Variants in SLC36A1 observed in about 807,000 individuals in gnomAD.
The protein encoded by SLC36A1 is solute carrier family 36 member 1.
In SLC36A1, 30 loss-of-function variants were observed where a neutral mutation model predicts 47.5. The observed-to-expected ratio is 0.63, with a 90% confidence interval of 0.47 to 0.86. The LOEUF (loss-of-function observed/expected upper bound fraction) is 0.86, where lower values mean the gene tolerates loss of function less well. SLC36A1 is among the 40% of genes least tolerant of loss of function. SLC36A1 has a pLI of 0.00. For missense variants in SLC36A1, 517 were observed against 606.0 expected (o/e 0.85, Z 1.54); for synonymous variants, 255 against 249.7 (o/e 1.02, Z -0.20).
chr5:151,357,631 G>A, the SLC36A1 span, among the ~76,000 whole-genome samples: 96 of 152,314 alleles, frequency 6.3e-4, no homozygotes, highest in East Asian at 0.011. Context: ...ATTCATTTAC[G>A]TATTGTTTAA....
chr5:151,543,395 CA>C, the SLC36A1 span: 1 of 1,613,854 alleles, frequency 6.2e-7, no homozygotes, highest in Non-Finnish European at 8.5e-7. Flanking sequence ...TTGTCATTTT[CA>C]TCTGTGAGGA....
chr5:151,545,780 T>G, the SLC36A1 span: 3 of 1,614,066 alleles, frequency 1.9e-6, no homozygotes, highest in African/African-American at 1.3e-5. Context: ...ACAAAGGGGT[T>G]GTTGTTTTTA....
the SLC36A1 span, among the ~76,000 whole-genome samples, chr5:151,347,771 C>T: frequency 1.3e-5 from 2 of 152,158 alleles, no homozygotes; most frequent in African/African-American, 4.8e-5. Flanking sequence ...ATTTTAATAA[C>T]AAATATCTAT....
Position 151,473,654 on chromosome 5 carries a change from T to G in SLC36A1, c.724-19T>G, listed in dbSNP as rs2127516689. The G allele has an allele frequency of 7.6e-7, 1 of 1,309,514 alleles. No homozygotes were observed. Among genetic ancestry groups the G allele is most frequent in the Non-Finnish European group, 1.1e-6 (1 of 936,528 alleles). 81.1% of individuals were successfully genotyped at this position (1,309,514 alleles called of 1,614,324 possible). A position where few individuals can be genotyped will look rare whatever the true frequency, so the allele number is the denominator to read the frequency against. On this transcript the variant is annotated intron_variant, in intron 7 of 10. Transcript: ENST00000243389. ...AGCCTTTTGCTTTGTTTTGCTTTGT[T>G]TTGCTTTCTGTCTTTCAGAGGATCC... is the stretch of plus-strand genomic sequence containing the variant.
the SLC36A1 span, among the ~76,000 whole-genome samples, chr5:151,420,652 C>T: frequency 6.6e-6 from 1 of 152,014 alleles, no homozygotes; most frequent in African/African-American, 2.4e-5. Context: ...GTAATAGTAC[C>T]TATTATAAAA....
the SLC36A1 span, among the ~76,000 whole-genome samples, chr5:151,499,670 C>T: frequency 1.3e-5 from 2 of 152,166 alleles, no homozygotes; most frequent in Non-Finnish European, 2.9e-5. Context: ...CAGAGCACTG[C>T]CCTGATGCCT....
the SLC36A1 span, among the ~76,000 whole-genome samples, chr5:151,381,602 T>G: frequency 6.6e-6 from 1 of 152,220 alleles, no homozygotes; most frequent in Non-Finnish European, 1.5e-5. Context: ...CTCCATAAAC[T>G]GGTCCTAAGA....
the SLC36A1 span, among the ~76,000 whole-genome samples, chr5:151,352,159 C>T: frequency 6.6e-6 from 1 of 152,272 alleles, no homozygotes; most frequent in South Asian, 2.1e-4. Flanking sequence ...CTCCAACAAC[C>T]TCCCTTGACA....
At chr5:151,528,811 C>T in the SLC36A1 span, among the ~76,000 whole-genome samples, 3 of 152,066 alleles carry the variant, frequency 2.0e-5, no homozygotes, top group Non-Finnish European at 4.4e-5. Context: ...CAGTCCCTGC[C>T]CCACAACTGT....
In SLC36A1 at chr5:151,467,300, A is replaced by AAAAT; in HGVS notation, c.504+20_504+21insTAAA. The stretch of plus-strand genomic sequence containing the variant: ...TTTAAACAGGTAGGCACCTGGTTAA[A>AAAAT]AAAGAAAAAAAAAAAAAAAACCAGA... On this transcript the variant is annotated intron_variant, in intron 6 of 10. Coordinates refer to ENST00000243389, the MANE Select transcript of SLC36A1 (RefSeq NM_078483.4). 6.9e-7 allele frequency: 1 copy of AAAAT among 1,440,546 alleles called. No individual in the cohort carries two copies. The highest frequency in any genetic ancestry group is 9.4e-7 in the Non-Finnish European group (1 of 1,064,938). 89.2% of individuals were successfully genotyped at this position (1,440,546 alleles called of 1,614,324 possible).
chr5:151,515,077 T>C, the SLC36A1 span, among the ~76,000 whole-genome samples: 1 of 152,184 alleles, frequency 6.6e-6, no homozygotes, highest in African/African-American at 2.4e-5. Flanking sequence ...CAACCCACCA[T>C]ACACGGAAAC....
intron 1 of SLC36A1, among the ~76,000 whole-genome samples, chr5:151,455,076 A>G (rs1406824731): frequency 6.6e-6 from 1 of 152,010 alleles, no homozygotes; most frequent in Non-Finnish European, 1.5e-5. Flanking sequence ...AAGAGAACAC[A>G]TTATCTGGCA....
intron 5 of SLC36A1, 134 bp downstream of exon 5, chr5:151,465,303 G>T (rs1756185356): frequency 2.7e-6 from 2 of 728,044 alleles, no homozygotes; most frequent in African/African-American, 3.6e-5. Flanking sequence ...CTGTGGCTCA[G>T]CTCTGCTGGT....
At position 151,488,543 on chromosome 5, in the gene SLC36A1, T is replaced by G. The variant is rs551336456; in HGVS notation, c.*289T>G. The G allele has an allele frequency of 4.5e-6, 2 of 442,986 alleles. No homozygotes were observed. The highest frequency in any genetic ancestry group is 5.6e-5 in the South Asian group (2 of 35,984). The allele number at this position is 442,986 out of a possible 1,614,324, so 27.4% of individuals were successfully genotyped here. On this transcript the variant is annotated 3_prime_UTR_variant, in exon 11 of 11. Coordinates refer to ENST00000243389, the MANE Select transcript of SLC36A1 (RefSeq NM_078483.4). ...CTCATCATGCCTCCTCCTTCCTACC[T>G]GCCTCCCCTCTGCTGGTGCACCTCG...
chr5:151,417,501 A>G, the SLC36A1 span, among the ~76,000 whole-genome samples: 1 of 152,202 alleles, frequency 6.6e-6, no homozygotes, highest in Non-Finnish European at 1.5e-5. Flanking sequence ...ATGTTTTAGC[A>G]AAGAGACTGG....
At chr5:151,389,927 T>C in the SLC36A1 span, among the ~76,000 whole-genome samples, 1 of 152,082 alleles carries the variant, frequency 6.6e-6, no homozygotes, top group African/African-American at 2.4e-5. Flanking sequence ...TTATACCCAG[T>C]AATGGGATGG....
the SLC36A1 span, among the ~76,000 whole-genome samples, chr5:151,346,440 C>T: frequency 6.6e-6 from 1 of 152,142 alleles, no homozygotes; most frequent in Non-Finnish European, 1.5e-5. Flanking sequence ...TCCATGCACC[C>T]TCCTTTAGTT....
the SLC36A1 span, among the ~76,000 whole-genome samples, chr5:151,541,618 C>A: frequency 8.5e-5 from 13 of 152,218 alleles, no homozygotes; most frequent in Non-Finnish European, 1.5e-4. Context: ...AAGAAACTCT[C>A]TCATGGCCAC....
At chr5:151,380,879 A>G in the SLC36A1 span, 5 of 431,410 alleles carry the variant, frequency 1.2e-5, 1 homozygote, top group Middle Eastern at 1.2e-3. Flanking sequence ...GGATGTGAAG[A>G]AAGTCCAAGG....
Sources: gnomAD v4.1 joint callset for allele counts (sites outside exome capture counted in the v4.1 genomes callset) on GRCh38, gnomAD v4.1.1 for gene constraint, MANE v1.5 for transcripts, NCBI Gene and HGNC (gene_info 2026-07-23, HGNC 2026-07-21) for gene names.